RUNX2: variants seen among roughly 807,000 people sequenced by gnomAD.
RUNX2 encodes RUNX family transcription factor 2, also known as runt-related transcription factor 2.
Under a neutral mutation model 51.7 loss-of-function variants are expected in RUNX2, and 10 were observed. The observed-to-expected ratio is 0.19, with a 90% confidence interval of 0.12 to 0.33. The LOEUF (loss-of-function observed/expected upper bound fraction) is 0.33, where lower values mean the gene tolerates loss of function less well. Ranked by LOEUF, RUNX2 falls within the 10% of genes least tolerant of loss-of-function variation. RUNX2 has a pLI of 1.00. For synonymous variants in RUNX2, 276 were observed against 273.6 expected (o/e 1.01, Z -0.09); for missense variants, 562 against 691.3 (o/e 0.81, Z 2.10).
chr6:45,348,933 A>T (rs1791478080), intron 2 of RUNX2, among the ~76,000 whole-genome samples: 1 of 152,106 alleles, frequency 6.6e-6, no homozygotes, highest in East Asian at 1.9e-4. Context: ...CCTTATCACA[A>T]TTTATAATTA....
At chr6:45,513,648 A>G (rs1345856405) in intron 7 of RUNX2, 1 of 152,126 alleles carries the variant, frequency 6.6e-6, no homozygotes, top group African/African-American at 2.4e-5. Context: ...ATGGACTCCC[A>G]TGGGGGTGAG....
At chr6:45,400,291 G>A (rs546002606) in intron 2 of RUNX2, among the ~76,000 whole-genome samples, 28 of 152,276 alleles carry the variant, frequency 1.8e-4, no homozygotes, top group South Asian at 1.0e-3. Context: ...GGAAGGTGGA[G>A]AAAAGAGAGG....
intron 2 of RUNX2, among the ~76,000 whole-genome samples, chr6:45,364,111 T>C (rs1581923839): frequency 1.1e-5 from 1 of 93,420 alleles, no homozygotes; most frequent in East Asian, 2.2e-4. Flanking sequence ...TGAGACTCTG[T>C]CTCAAAAAAA....
In RUNX2 at chr6:45,491,892, A is replaced by G; in HGVS notation, c.686-49A>G. On this transcript the variant is annotated intron_variant, in intron 5 of 8. Coordinates refer to ENST00000647337, the MANE Select transcript of RUNX2 (RefSeq NM_001024630.4). ...TTCACATATCTATTTAGCATGGTCA[A>G]TTGTTCAGCTAATTAATATGCTTTT... 4 of 1,575,072 alleles carry G rather than the reference A, an allele frequency of 2.5e-6. No individual in the cohort carries two copies. The East Asian group carries it at 8.9e-5, about 35-fold the overall frequency.
At chr6:45,545,551 C>T (rs1802373848) in intron 8 of RUNX2, among the ~76,000 whole-genome samples, 1 of 152,120 alleles carries the variant, frequency 6.6e-6, no homozygotes, top group Non-Finnish European at 1.5e-5. Context: ...TATCCAAGAA[C>T]AAGGTCTGAA....
intron 5 of RUNX2, among the ~76,000 whole-genome samples, chr6:45,460,318 C>T (rs1401881249): frequency 6.6e-6 from 1 of 152,096 alleles, no homozygotes; most frequent in African/African-American, 2.4e-5. Context: ...GGACTCTGTT[C>T]AAGAAGAATG....
intron 5 of RUNX2, among the ~76,000 whole-genome samples, chr6:45,461,156 G>C (rs2150386647): frequency 6.6e-6 from 1 of 152,280 alleles, no homozygotes; most frequent in Middle Eastern, 3.4e-3. Context: ...ACATTGAATA[G>C]GTAGAATCAG....
At chr6:45,335,980 T>C (rs1788467765) in intron 2 of RUNX2, among the ~76,000 whole-genome samples, 1 of 151,302 alleles carries the variant, frequency 6.6e-6, no homozygotes, top group African/African-American at 2.4e-5. Flanking sequence ...AAAGACAATG[T>C]GCTACAGTGT....
intron 5 of RUNX2, among the ~76,000 whole-genome samples, chr6:45,481,639 G>C (rs1411053269): frequency 6.6e-6 from 1 of 152,202 alleles, no homozygotes; most frequent in Non-Finnish European, 1.5e-5. Flanking sequence ...ATAAAACGGA[G>C]TCAGAGAGAC....
chr6:45,424,432 C>G (rs1416866370), intron 3 of RUNX2, among the ~76,000 whole-genome samples: 1 of 152,186 alleles, frequency 6.6e-6, no homozygotes, highest in Non-Finnish European at 1.5e-5. Flanking sequence ...ATGAGACTCT[C>G]AGAAAGGTGC....
In RUNX2 at chr6:45,535,473, G is replaced by A. The variant is rs545501583; in HGVS notation, c.1022-9744G>A. ...CAAAGAATTAGCTGGGCGTGGTGGCGGGTGCCTGTAGTCCCAGCTACTGGG... is the reference window on the plus strand; with the variant it reads ...CAAAGAATTAGCTGGGCGTGGTGGCAGGTGCCTGTAGTCCCAGCTACTGGG... On this transcript the variant is annotated intron_variant, in intron 7 of 8. Transcript: ENST00000647337. Among the ~76,000 whole-genome samples the A allele has an allele frequency of 6.6e-5, 10 of 152,042 alleles. No individual in the cohort carries two copies. In the South Asian group the frequency reaches 1.0e-3, roughly 16 times the overall value.
intron 6 of RUNX2, among the ~76,000 whole-genome samples, chr6:45,510,726 T>C (rs992617560): frequency 4.0e-5 from 6 of 151,824 alleles, no homozygotes; most frequent in Admixed American, 6.6e-5. Flanking sequence ...ACTTACCCTA[T>C]GTCACCCAGA....
chr6:45,547,615 A>G lies in RUNX2; in HGVS notation c.*310A>G. The G allele has an allele frequency of 2.5e-6, 1 of 393,990 alleles. No individual in the cohort carries two copies. The highest frequency in any genetic ancestry group is 5.9e-5 in the East Asian group (1 of 16,810). 24.4% of individuals were successfully genotyped at this position (393,990 alleles called of 1,614,324 possible). On this transcript the variant is annotated 3_prime_UTR_variant, in exon 9 of 9. Coordinates refer to ENST00000647337, the MANE Select transcript of RUNX2 (RefSeq NM_001024630.4). ...TGTTTTTGTTGTTTGGTCTGTTATC[A>G]TCAATAACCTGTTCATATGCCAATT...
intron 5 of RUNX2, among the ~76,000 whole-genome samples, chr6:45,454,701 C>CT (rs970021992): frequency 3.3e-5 from 5 of 152,132 alleles, no homozygotes; most frequent in Non-Finnish European, 7.3e-5. Flanking sequence ...TGTGTATGTA[C>CT]TTTTGTTACA....
At chr6:45,523,420 C>G (rs918012548) in intron 7 of RUNX2, among the ~76,000 whole-genome samples, 1 of 151,874 alleles carries the variant, frequency 6.6e-6, no homozygotes, top group South Asian at 2.1e-4. Flanking sequence ...GCACCTGCCA[C>G]GATGCCTGGC....
At chr6:45,385,028 A>T (rs1205768712) in intron 2 of RUNX2, among the ~76,000 whole-genome samples, 2 of 152,152 alleles carry the variant, frequency 1.3e-5, no homozygotes, top group Non-Finnish European at 2.9e-5. Context: ...CAGTAAACTT[A>T]TGTAAATTTG....
At chr6:45,331,928 A>C (rs982812520) in intron 2 of RUNX2, among the ~76,000 whole-genome samples, 1 of 152,018 alleles carries the variant, frequency 6.6e-6, no homozygotes, top group Non-Finnish European at 1.5e-5. Context: ...CCAGTTTGTT[A>C]AAAGAACACT....
chr6:45,395,414 C>A (rs574263920), intron 2 of RUNX2, among the ~76,000 whole-genome samples: 1 of 152,256 alleles, frequency 6.6e-6, no homozygotes, highest in Non-Finnish European at 1.5e-5. Context: ...GGTTCTTAAA[C>A]CTCCTAGGTG....
chr6:45,538,771 T>A (rs1281527645), intron 7 of RUNX2, among the ~76,000 whole-genome samples: 1 of 152,044 alleles, frequency 6.6e-6, no homozygotes, highest in Non-Finnish European at 1.5e-5. Flanking sequence ...TGTTTCCATA[T>A]GTGTTCCCAA....
Sources: allele counts gnomAD v4.1 joint callset (sites outside exome capture counted in the v4.1 genomes callset), GRCh38; gene constraint gnomAD v4.1.1; transcripts MANE v1.5; gene names NCBI Gene and HGNC (gene_info 2026-07-23, HGNC 2026-07-21).